The following COL11A1 variants were observed in gnomAD, a reference collection of about 807,000 sequenced individuals.
COL11A1 encodes collagen type XI alpha 1 chain.
Under a neutral mutation model 265.2 loss-of-function variants are expected in COL11A1, and 74 were observed. The observed-to-expected ratio is 0.28, with a 90% CI of 0.23 to 0.34. The LOEUF is 0.34. Ranked by LOEUF, COL11A1 falls within the 10% of genes least tolerant of loss-of-function variation. The pLI, the probability that COL11A1 is intolerant of heterozygous loss-of-function variation, is 1.00. For missense variants in COL11A1, 2,165 were observed against 2,263.6 expected (o/e 0.96, Z 0.88); for synonymous variants, 816 against 727.6 (o/e 1.12, Z -1.96).
chr1:103,096,498 G>A (rs1024105024), intron 1 of COL11A1, among the ~76,000 whole-genome samples: 1 of 151,932 alleles, frequency 6.6e-6, no homozygotes, highest in South Asian at 2.1e-4. Flanking sequence ...TTCAGTTTTG[G>A]GTATACTAAA....
Position 103,003,220 on chromosome 1 carries a change from G to A in COL11A1, c.1993C>T (p.Gln665Ter). The change falls in exon 21 of 67, where the codon CAG becomes TAG. Residue 665 changes from glutamine (Q) to a stop codon, truncating the protein, a stop_gained. Coordinates refer to ENST00000370096, the MANE Select transcript of COL11A1 (RefSeq NM_001854.4). LOFTEE classifies it high-confidence loss of function. ...GPRGTPGAPG[Q>*]PGMAGVDGPP... ...ATGTTTCCAGCAATACATACAGGCT[G>A]CCCTGGAGCTCCTGGAGTTCCCCTT... 1 of 1,613,560 alleles carries A rather than the reference G, an allele frequency of 6.2e-7. No individual in the cohort carries two copies.
intron 25 of COL11A1, among the ~76,000 whole-genome samples, 200 bp from the exon 26 acceptor site, chr1:102,997,324 A>C (rs1664725968): frequency 6.6e-6 from 1 of 152,008 alleles, no homozygotes; most frequent in Non-Finnish European, 1.5e-5. Context: ...ACAAGCTTAT[A>C]TTTGATGGAT....
At chr1:103,078,517 A>G in intron 3 of COL11A1, 141 bp downstream of exon 3, 1 of 730,330 alleles carries the variant, frequency 1.4e-6, no homozygotes, top group East Asian at 2.7e-5. Context: ...ACTATAAATT[A>G]TGTCTTTATG....
Position 103,032,789 on chromosome 1 carries a change from T to C in COL11A1, c.652-1545A>G, listed in dbSNP as rs559842397. Among the ~76,000 whole-genome samples the C allele has an allele frequency of 1.8e-4, 28 of 152,258 alleles. 1 individual carries two copies. The highest frequency in any genetic ancestry group is 6.5e-4 in the African/African-American group (27 of 41,574). On this transcript the variant is annotated intron_variant, in intron 4 of 66. Transcript: ENST00000370096. Reference sequence around the variant, plus strand: ...AGGATTTATTTTTAAGGTTCAAAAATTTATATTTCTATGCTTACATTTCTC... The same window carrying C: ...AGGATTTATTTTTAAGGTTCAAAAACTTATATTTCTATGCTTACATTTCTC...
At chr1:102,956,363 C>T (rs374995707) in intron 41 of COL11A1, among the ~76,000 whole-genome samples, 26 of 152,174 alleles carry the variant, frequency 1.7e-4, no homozygotes, top group East Asian at 5.8e-4. Context: ...ACCATAAGCT[C>T]TTTGCAGGAA....
chr1:103,028,862 A>G (rs1379545193), intron 5 of COL11A1, among the ~76,000 whole-genome samples: 2 of 152,158 alleles, frequency 1.3e-5, no homozygotes, highest in Non-Finnish European at 2.9e-5. Context: ...AAGAATATCA[A>G]AAGGAATCAT....
intron 54 of COL11A1, among the ~76,000 whole-genome samples, chr1:102,905,906 C>A (rs750053502): frequency 6.6e-6 from 1 of 152,102 alleles, no homozygotes; most frequent in African/African-American, 2.4e-5. Context: ...AACAACAAAG[C>A]AAAATCAACA....
At chr1:103,044,858 G>T (rs1669119374) in intron 4 of COL11A1, among the ~76,000 whole-genome samples, 1 of 151,956 alleles carries the variant, frequency 6.6e-6, no homozygotes, top group Non-Finnish European at 1.5e-5. Context: ...ATGCCAGAAA[G>T]TAATAAATGC....
At chr1:102,915,469 C>G (rs901462126) in intron 50 of COL11A1, among the ~76,000 whole-genome samples, 162 bp downstream of exon 50, 6 of 152,044 alleles carry the variant, frequency 3.9e-5, no homozygotes, top group Non-Finnish European at 7.4e-5. Flanking sequence ...GTAAAGATAT[C>G]CAAAGTTATT....
At chr1:103,082,692 C>G in intron 2 of COL11A1, 113 bp downstream of exon 2, 1 of 943,908 alleles carries the variant, frequency 1.1e-6, no homozygotes, top group Non-Finnish European at 1.6e-6. Flanking sequence ...TGCACATTAT[C>G]TAACCTGATA....
At chr1:102,899,888 CT>C (rs1290189472) in intron 54 of COL11A1, among the ~76,000 whole-genome samples, 1 of 151,978 alleles carries the variant, frequency 6.6e-6, no homozygotes, top group Non-Finnish European at 1.5e-5. Context: ...ATATCCCAGC[CT>C]TTTATATCGT....
chr1:102,986,950 G>T (rs1663624058), intron 30 of COL11A1, among the ~76,000 whole-genome samples: 3 of 151,952 alleles, frequency 2.0e-5, no homozygotes, highest in African/African-American at 7.3e-5. Flanking sequence ...TTTTTTAATA[G>T]ACTTATTATG....
chr1:103,089,901 G>A (rs573133612), intron 1 of COL11A1, among the ~76,000 whole-genome samples: 2 of 152,286 alleles, frequency 1.3e-5, no homozygotes, highest in East Asian at 3.9e-4. Context: ...CGAGGTGGGT[G>A]GATCACGAGG....
At chr1:102,933,777 G>A (rs537580582) in intron 46 of COL11A1, among the ~76,000 whole-genome samples, 9 of 152,306 alleles carry the variant, frequency 5.9e-5, no homozygotes, top group South Asian at 2.1e-4. Flanking sequence ...GCCAGGTGCC[G>A]GATATAATCT....
intron 8 of COL11A1, 45 bp from the exon 9 acceptor site, chr1:103,021,814 A>G: frequency 7.7e-7 from 1 of 1,296,180 alleles, no homozygotes; most frequent in Non-Finnish European, 1.1e-6. Context: ...CTGTAAGACC[A>G]TTTCTTTCTT....
intron 4 of COL11A1, among the ~76,000 whole-genome samples, chr1:103,033,884 T>A (rs1227637474): frequency 6.6e-6 from 1 of 152,112 alleles, no homozygotes; most frequent in African/African-American, 2.4e-5. Flanking sequence ...TCTTCCGACT[T>A]CAGCCTCCTA....
chr1:102,905,412 G>T (rs1214418209), intron 54 of COL11A1, among the ~76,000 whole-genome samples: 1 of 148,700 alleles, frequency 6.7e-6, no homozygotes, highest in African/African-American at 2.5e-5. Context: ...GAAAGAGAGA[G>T]AAAGGAAGGA....
chr1:102,934,089 C>T (rs953896485), intron 46 of COL11A1, among the ~76,000 whole-genome samples: 4 of 152,172 alleles, frequency 2.6e-5, no homozygotes, highest in African/African-American at 9.6e-5. Flanking sequence ...TGGAGCTGTT[C>T]CTATTCGGCC....
intron 43 of COL11A1, among the ~76,000 whole-genome samples, 196 bp downstream of exon 43, chr1:102,940,131 A>G (rs980590253): frequency 6.6e-6 from 1 of 152,188 alleles, no homozygotes; most frequent in African/African-American, 2.4e-5. Context: ...TTTATGTATC[A>G]CATACTATTT....
Sources: gnomAD v4.1 joint callset for allele counts (sites outside exome capture counted in the v4.1 genomes callset) on GRCh38, gnomAD v4.1.1 for gene constraint, MANE v1.5 for transcripts, NCBI Gene and HGNC (gene_info 2026-07-23, HGNC 2026-07-21) for gene names.